The following KHDRBS2 variants were observed in gnomAD, a reference collection of about 807,000 sequenced individuals.
KHDRBS2 encodes KH domain-containing, RNA-binding, signal transduction-associated protein 2.
A neutral mutation model predicts 44.3 loss-of-function variants in KHDRBS2; 26 were observed. The observed-to-expected ratio is 0.59, with a 90% CI of 0.43 to 0.81. The LOEUF is 0.81. KHDRBS2 is among the 40% of genes least tolerant of loss of function. KHDRBS2 has a pLI of 0.00. For synonymous variants in KHDRBS2, 194 were observed against 151.1 expected (o/e 1.28, Z -2.08); for missense variants, 476 against 433.1 (o/e 1.10, Z -0.88).
intron 4 of KHDRBS2, among the ~76,000 whole-genome samples, chr6:61,942,572 A>T (rs1812343898): frequency 6.6e-6 from 1 of 152,178 alleles, no homozygotes; most frequent in Non-Finnish European, 1.5e-5. Flanking sequence ...GCTTCATAAC[A>T]TATGGGACAC....
At chr6:61,721,440 C>G (rs1376273225) in intron 7 of KHDRBS2, among the ~76,000 whole-genome samples, 1 of 149,570 alleles carries the variant, frequency 6.7e-6, no homozygotes, top group Admixed American at 6.7e-5. Context: ...TTGTTTGTAT[C>G]CTCTTTTATT....
intron 4 of KHDRBS2, among the ~76,000 whole-genome samples, chr6:61,938,191 G>A (rs935915804): frequency 2.6e-5 from 4 of 151,994 alleles, no homozygotes; most frequent in Non-Finnish European, 4.4e-5. Context: ...CTAAATGAGA[G>A]AAAACACATT....
intron 4 of KHDRBS2, among the ~76,000 whole-genome samples, chr6:61,927,413 C>A (rs971006446): frequency 6.6e-6 from 1 of 152,040 alleles, no homozygotes; most frequent in Non-Finnish European, 1.5e-5. Flanking sequence ...CAATGTTAGT[C>A]ATCAAAATTT....
At chr6:62,167,898 A>T (rs1819045966) in intron 2 of KHDRBS2, among the ~76,000 whole-genome samples, 1 of 152,178 alleles carries the variant, frequency 6.6e-6, no homozygotes, top group Non-Finnish European at 1.5e-5. Flanking sequence ...AAATGATCTG[A>T]TAACTACTTT....
At chr6:62,021,531 C>T (rs1247311394) in intron 3 of KHDRBS2, among the ~76,000 whole-genome samples, 1 of 151,812 alleles carries the variant, frequency 6.6e-6, no homozygotes, top group Non-Finnish European at 1.5e-5. Flanking sequence ...GATCATTTTA[C>T]ATATATAAGT....
chr6:62,058,009 G>C (rs1251610157), intron 2 of KHDRBS2, among the ~76,000 whole-genome samples: 1 of 151,772 alleles, frequency 6.6e-6, no homozygotes, highest in African/African-American at 2.4e-5. Flanking sequence ...CAATAATATT[G>C]GGCATATATA....
rs900037166 is a variant in KHDRBS2 at position 61,978,178 on chromosome 6, T to C, written c.371A>G (p.Tyr124Cys). ...ATGAAGCTCATCACTCAAGTGGGCA[T>C]ATTTGGCTTCCCCACTCTTCCTTAG... ...EELRKSGEAKYAHLSDELHVL... is the reference protein window; with the variant it reads ...EELRKSGEAKCAHLSDELHVL... The change falls in exon 4 of 9, where the codon TAT becomes TGT. Residue 124 changes from tyrosine (Y) to cysteine (C), a missense_variant. Transcript: ENST00000281156. 3.1e-6 allele frequency: 5 copies of C among 1,608,530 alleles called. No individual in the cohort carries two copies. In the African/African-American group the frequency reaches 5.4e-5, roughly 17 times the overall value.
At chr6:62,158,325 C>G (rs1243886089) in intron 2 of KHDRBS2, among the ~76,000 whole-genome samples, 2 of 152,144 alleles carry the variant, frequency 1.3e-5, no homozygotes, top group Non-Finnish European at 2.9e-5. Context: ...TGTGCTGACA[C>G]TATGCCAGGT....
At chr6:61,896,886 T>C (rs1292518562) in intron 5 of KHDRBS2, among the ~76,000 whole-genome samples, 1 of 152,196 alleles carries the variant, frequency 6.6e-6, no homozygotes, top group Non-Finnish European at 1.5e-5. Context: ...TTTAAGATTG[T>C]GGACTATTAT....
At chr6:62,150,290 TAAGA>T (rs1814857790) in intron 2 of KHDRBS2, among the ~76,000 whole-genome samples, 1 of 134,614 alleles carries the variant, frequency 7.4e-6, no homozygotes, top group Admixed American at 7.6e-5. Flanking sequence ...GGATCATGCT[TAAGA>T]GATTGTGGAA....
chr6:61,822,946 C>T (rs191116330), intron 6 of KHDRBS2, among the ~76,000 whole-genome samples: 1 of 152,060 alleles, frequency 6.6e-6, no homozygotes, highest in Non-Finnish European at 1.5e-5. Flanking sequence ...CTCTATATTC[C>T]ACCAGTTGGT....
At chr6:62,241,262 A>G (rs907748580) in intron 1 of KHDRBS2, among the ~76,000 whole-genome samples, 25 of 152,168 alleles carry the variant, frequency 1.6e-4, no homozygotes, top group African/African-American at 6.0e-4. Flanking sequence ...GTGAAACTAC[A>G]TATCGTATAA....
At position 62,123,357 on chromosome 6, in the gene KHDRBS2, A is replaced by G. The variant is rs570267328; in HGVS notation, c.219+53828T>C. The stretch of plus-strand genomic sequence containing the variant: ...TATTGTGAATAGTGCCGTAATAAAC[A>G]TATGTGTGCATGTGTCTTTATCACA... On this transcript the variant is annotated intron_variant, in intron 2 of 8. Coordinates refer to ENST00000281156, the MANE Select transcript of KHDRBS2 (RefSeq NM_152688.4). Among the ~76,000 whole-genome samples, 5 of 152,298 alleles carry G rather than the reference A, an allele frequency of 3.3e-5. No homozygotes were observed. In the East Asian group the frequency reaches 9.6e-4, roughly 29 times the overall value.
At chr6:61,848,772 T>C (rs1795021979) in intron 6 of KHDRBS2, among the ~76,000 whole-genome samples, 1 of 150,554 alleles carries the variant, frequency 6.6e-6, no homozygotes, top group African/African-American at 2.4e-5. Context: ...CCATAATAAT[T>C]TGTATATTTA....
intron 4 of KHDRBS2, among the ~76,000 whole-genome samples, chr6:61,962,692 C>T (rs1044364784): frequency 6.6e-6 from 1 of 152,092 alleles, no homozygotes; most frequent in Admixed American, 6.6e-5. Flanking sequence ...CAAAAATGAT[C>T]ATTTTCATTA....
chr6:61,768,131 T>A (rs1308536366), intron 6 of KHDRBS2, among the ~76,000 whole-genome samples: 2 of 152,154 alleles, frequency 1.3e-5, no homozygotes, highest in Non-Finnish European at 2.9e-5. Context: ...ATAAAAGTAT[T>A]CTTCCTTCAG....
chr6:61,832,073 C>T (rs1444743316), intron 6 of KHDRBS2, among the ~76,000 whole-genome samples: 1 of 152,066 alleles, frequency 6.6e-6, no homozygotes, highest in African/African-American at 2.4e-5. Flanking sequence ...AGACTCCCAT[C>T]TCTACAATAA....
intron 2 of KHDRBS2, among the ~76,000 whole-genome samples, chr6:62,158,402 T>C (rs1431346957): frequency 6.6e-6 from 1 of 152,196 alleles, no homozygotes; most frequent in Non-Finnish European, 1.5e-5. Context: ...ATGTTGAAGC[T>C]GAAAAACAGT....
chr6:61,755,464 C>T (rs1446619645), intron 6 of KHDRBS2, among the ~76,000 whole-genome samples: 1 of 152,024 alleles, frequency 6.6e-6, no homozygotes, highest in Non-Finnish European at 1.5e-5. Context: ...ATTGAACTGC[C>T]ATGTTCAGAA....
Sources: gnomAD v4.1 joint callset for allele counts (sites outside exome capture counted in the v4.1 genomes callset) on GRCh38, gnomAD v4.1.1 for gene constraint, MANE v1.5 for transcripts, NCBI Gene and HGNC (gene_info 2026-07-23, HGNC 2026-07-21) for gene names.